MLLT3: variants seen among roughly 807,000 people sequenced by gnomAD.
The protein encoded by MLLT3 is protein AF-9.
A neutral mutation model predicts 53.2 loss-of-function variants in MLLT3; 4 were observed. That is an observed-to-expected ratio of 0.08 (90% CI 0.04 to 0.17). MLLT3 has a LOEUF of 0.17. Ranked by LOEUF, MLLT3 falls within the 10% of genes least tolerant of loss-of-function variation. The pLI is 1.00. For synonymous variants in MLLT3, 283 were observed against 230.6 expected (o/e 1.23, Z -2.06); for missense variants, 569 against 684.0 (o/e 0.83, Z 1.87).
At chr9:20,387,729 C>A (rs1228089186) in intron 5 of MLLT3, among the ~76,000 whole-genome samples, 1 of 152,146 alleles carries the variant, frequency 6.6e-6, no homozygotes, top group Non-Finnish European at 1.5e-5. Context: ...TTACTCTCTA[C>A]CAGATAGTTC....
intron 1 of MLLT3, 71 bp downstream of exon 1, chr9:20,622,174 G>C: frequency 6.8e-7 from 1 of 1,481,248 alleles, no homozygotes; most frequent in Non-Finnish European, 9.4e-7. Context: ...GGCGCTGTCT[G>C]GGCTGCGGCG....
rs1239597080 is a variant in MLLT3 at position 20,621,785 on chromosome 9, C to T, written c.12+460G>A. ...GCGGAGAACGCACCATCGTAGCGGC[C>T]GCGGCGCTTTGCGGAGGTGCGGCCG... On this transcript the variant is annotated intron_variant, in intron 1 of 10. Transcript: ENST00000380338. This position sits in a 1 kb window ranked among gnomAD's most constrained non-coding sequence, Gnocchi z 7.0. The T allele has an allele frequency of 1.4e-6, 2 of 1,475,580 alleles. No individual in the cohort carries two copies. The highest frequency in any genetic ancestry group is 2.9e-5 in the East Asian group (1 of 34,788). 91.4% of individuals were successfully genotyped at this position (1,475,580 alleles called of 1,614,324 possible). A position where few individuals can be genotyped will look rare whatever the true frequency, so the allele number is the denominator to read the frequency against.
chr9:20,347,188 T>C (rs928213913), intron 10 of MLLT3, among the ~76,000 whole-genome samples: 1 of 152,194 alleles, frequency 6.6e-6, no homozygotes, highest in Non-Finnish European at 1.5e-5. Flanking sequence ...TGGAACTGTT[T>C]TGTTGTTTGA....
chr9:20,356,870 A>G (rs762781185), intron 8 of MLLT3, among the ~76,000 whole-genome samples: 41 of 152,184 alleles, frequency 2.7e-4, no homozygotes, highest in Non-Finnish European at 4.0e-4. Context: ...CTGAAGTTGC[A>G]GTGGCAGGAA....
chr9:20,434,200 G>A (rs917293716), intron 4 of MLLT3, among the ~76,000 whole-genome samples: 1 of 152,134 alleles, frequency 6.6e-6, no homozygotes, highest in African/African-American at 2.4e-5. Context: ...AGGATAACAA[G>A]TTAATAATGT....
chr9:20,411,492 G>A (rs1822726803), intron 5 of MLLT3, among the ~76,000 whole-genome samples: 1 of 152,156 alleles, frequency 6.6e-6, no homozygotes, highest in South Asian at 2.1e-4. Flanking sequence ...AATAAGGAAA[G>A]TACGGCTGTT....
chr9:20,610,445 G>A (rs1390997136), intron 2 of MLLT3, among the ~76,000 whole-genome samples: 1 of 152,128 alleles, frequency 6.6e-6, no homozygotes, highest in East Asian at 1.9e-4. Flanking sequence ...TCAAGTGGTG[G>A]TTCTGTTTAC....
chr9:20,368,138 G>GA (rs971937983), intron 5 of MLLT3, among the ~76,000 whole-genome samples: 34 of 152,194 alleles, frequency 2.2e-4, no homozygotes, highest in African/African-American at 8.2e-4. Context: ...GGGTCACAAA[G>GA]AAAAGTTGGT....
At chr9:20,389,391 G>A (rs1399630251) in intron 5 of MLLT3, among the ~76,000 whole-genome samples, 1 of 152,148 alleles carries the variant, frequency 6.6e-6, no homozygotes, top group Non-Finnish European at 1.5e-5. Flanking sequence ...ATTGAGAGTT[G>A]ATAGCTAAAG....
intron 5 of MLLT3, among the ~76,000 whole-genome samples, chr9:20,383,758 A>G (rs1821962799): frequency 6.6e-6 from 1 of 151,986 alleles, no homozygotes; most frequent in African/African-American, 2.4e-5. Context: ...GAAATAAGGT[A>G]ACTTCCTTTA....
At position 20,342,075 on chromosome 9, in the gene MLLT3, A is replaced by G; in HGVS notation, c.*4368T>C. Reference sequence around the variant, plus strand: ...CTGGATGTCTCAGATCTCCCCATCTATTCTTCTTTAGAAACAGCATCACTT... The same window carrying G: ...CTGGATGTCTCAGATCTCCCCATCTGTTCTTCTTTAGAAACAGCATCACTT... On this transcript the variant is annotated 3_prime_UTR_variant, in exon 11 of 11. Transcript: ENST00000380338. The G allele has an allele frequency of 4.7e-6, 1 of 212,582 alleles. No homozygotes were observed. Among genetic ancestry groups the G allele is most frequent in the East Asian group, 7.0e-5 (1 of 14,256 alleles). The allele number at this position is 212,582 out of a possible 1,614,324, so 13.2% of individuals were successfully genotyped here.
chr9:20,515,167 CA>C (rs969796646), intron 2 of MLLT3, among the ~76,000 whole-genome samples: 6 of 152,000 alleles, frequency 3.9e-5, no homozygotes, highest in Admixed American at 3.3e-4. Flanking sequence ...AGGCTGGTCT[CA>C]AACTCCTGAC....
intron 5 of MLLT3, among the ~76,000 whole-genome samples, chr9:20,405,380 G>C (rs1563952731): frequency 2.6e-5 from 4 of 152,204 alleles, no homozygotes; most frequent in Admixed American, 2.0e-4. Flanking sequence ...CAGATGATGG[G>C]AAGGTTAACA....
intron 4 of MLLT3, among the ~76,000 whole-genome samples, chr9:20,415,882 A>AT (rs907227218): frequency 2.0e-5 from 3 of 151,368 alleles, no homozygotes; most frequent in Admixed American, 6.6e-5. Flanking sequence ...TTCTTAATAA[A>AT]TTTTTTTTTG....
chr9:20,506,007 A>G (rs1447904397), intron 2 of MLLT3, among the ~76,000 whole-genome samples: 1 of 152,132 alleles, frequency 6.6e-6, no homozygotes, highest in Non-Finnish European at 1.5e-5. Context: ...TGTCTGAAAA[A>G]CAAGGGATAG....
chr9:20,352,710 T>TAA (rs59397349), intron 10 of MLLT3, among the ~76,000 whole-genome samples: 137 of 116,750 alleles, frequency 1.2e-3, no homozygotes, highest in African/African-American at 3.7e-3. Context: ...CATTAAATGT[T>TAA]AAAAAAAAAA....
At chr9:20,548,192 A>T (rs1818839539) in intron 2 of MLLT3, among the ~76,000 whole-genome samples, 1 of 152,218 alleles carries the variant, frequency 6.6e-6, no homozygotes, top group Non-Finnish European at 1.5e-5. Context: ...TCTCTAATCT[A>T]ACCACATTTC....
intron 5 of MLLT3, among the ~76,000 whole-genome samples, chr9:20,392,087 C>A (rs1822198967): frequency 6.6e-6 from 1 of 152,160 alleles, no homozygotes; most frequent in South Asian, 2.1e-4. Context: ...AAATATCCTT[C>A]AATTTGCTTA....
intron 2 of MLLT3, among the ~76,000 whole-genome samples, chr9:20,531,278 G>A (rs907285960): frequency 1.3e-5 from 2 of 151,892 alleles, no homozygotes; most frequent in Non-Finnish European, 2.9e-5. Context: ...TGTGATTACA[G>A]GCGTATGCCA....
Sources: gnomAD v4.1 joint callset for allele counts (sites outside exome capture counted in the v4.1 genomes callset) on GRCh38, gnomAD v4.1.1 for gene constraint, Gnocchi (gnomAD v3.1) non-coding constraint, MANE v1.5 for transcripts, NCBI Gene and HGNC (gene_info 2026-07-23, HGNC 2026-07-21) for gene names.